LRFN5: variants seen among roughly 807,000 people sequenced by gnomAD.
The protein encoded by LRFN5 is leucine-rich repeat and fibronectin type-III domain-containing protein 5.
A neutral mutation model predicts 45.6 loss-of-function variants in LRFN5; 24 were observed. That is an observed-to-expected ratio of 0.53 (90% CI 0.38 to 0.74). LRFN5 has a LOEUF of 0.74. LRFN5 is among the 30% of genes least tolerant of loss of function. The probability of loss-of-function intolerance (pLI) is 0.00; values close to 1 mark genes in which losing one functional copy is unlikely to be tolerated. For missense variants in LRFN5, 776 were observed against 861.5 expected, an observed-to-expected ratio of 0.90 and a Z score of 1.24; for synonymous variants, 340 against 313.8, an observed-to-expected ratio of 1.08 and a Z score of -0.88.
intron 1 of LRFN5, among the ~76,000 whole-genome samples, chr14:41,750,566 G>T (rs1024232691): frequency 6.6e-6 from 1 of 151,962 alleles, no homozygotes; most frequent in African/African-American, 2.4e-5. Flanking sequence ...ATTAAAATTT[G>T]CTTTCATTGT....
chr14:41,785,067 A>G (rs1054058948), intron 2 of LRFN5, among the ~76,000 whole-genome samples: 1 of 152,154 alleles, frequency 6.6e-6, no homozygotes, highest in Non-Finnish European at 1.5e-5. Flanking sequence ...TAATATGAAA[A>G]TAGCCACTCT....
intron 2 of LRFN5, among the ~76,000 whole-genome samples, chr14:41,825,071 G>A (rs1888247126): frequency 6.6e-6 from 1 of 152,052 alleles, no homozygotes; most frequent in Non-Finnish European, 1.5e-5. Flanking sequence ...AAGTTCTTTT[G>A]TTAGCCCAGA....
chr14:41,751,266 G>A (rs924356771), intron 1 of LRFN5, among the ~76,000 whole-genome samples: 5 of 152,076 alleles, frequency 3.3e-5, no homozygotes, highest in African/African-American at 1.2e-4. Flanking sequence ...ATCAAATTAT[G>A]CTCTTGTTAA....
intron 1 of LRFN5, among the ~76,000 whole-genome samples, chr14:41,701,915 A>G (rs1347963217): frequency 2.0e-5 from 3 of 152,134 alleles, no homozygotes; most frequent in African/African-American, 7.2e-5. Context: ...CTGATTTACT[A>G]TTAGGAATCT....
Position 41,811,361 on chromosome 14 carries a change from T to TAAC in LRFN5, c.-21+44333_-21+44334insACA, listed in dbSNP as rs1320915900. Among the ~76,000 whole-genome samples the TAAC allele has an allele frequency of 2.6e-5, 4 of 152,072 alleles. No individual in the cohort carries two copies. The East Asian group carries it at 7.7e-4, about 29-fold the overall frequency. On this transcript the variant is annotated intron_variant, in intron 2 of 5. Coordinates refer to ENST00000298119, the MANE Select transcript of LRFN5 (RefSeq NM_152447.5). ...TGAAGCTACTTTGGATAACAGTTGG[T>TAAC]AGTTTCCCAAACTCTTAAATATATG...
At chr14:41,702,177 G>A (rs1882866309) in intron 1 of LRFN5, among the ~76,000 whole-genome samples, 1 of 152,144 alleles carries the variant, frequency 6.6e-6, no homozygotes, top group Non-Finnish European at 1.5e-5. Context: ...GACTCCATCT[G>A]TAAGTACAAG....
At chr14:41,900,354 T>G (rs936966023) in intron 5 of LRFN5, among the ~76,000 whole-genome samples, 16 of 152,084 alleles carry the variant, frequency 1.1e-4, no homozygotes, top group Non-Finnish European at 2.9e-5. Flanking sequence ...ATTTTGCTTA[T>G]GTATTTATTT....
At chr14:41,684,109 T>C (rs1392849491) in intron 1 of LRFN5, among the ~76,000 whole-genome samples, 1 of 152,056 alleles carries the variant, frequency 6.6e-6, no homozygotes, top group Non-Finnish European at 1.5e-5. Context: ...TGGAACAGAA[T>C]AGAGAATCCA....
At chr14:41,738,884 A>C (rs1238621454) in intron 1 of LRFN5, among the ~76,000 whole-genome samples, 2 of 152,184 alleles carry the variant, frequency 1.3e-5, no homozygotes, top group African/African-American at 2.4e-5. Context: ...AATTTTCTGA[A>C]CTACTATTTA....
At chr14:41,734,580 T>A (rs72686540) in intron 1 of LRFN5, among the ~76,000 whole-genome samples, 1 of 150,958 alleles carries the variant, frequency 6.6e-6, no homozygotes, top group Non-Finnish European at 1.5e-5. Context: ...TTATAAGCAG[T>A]ATACAATGGA....
At chr14:41,821,934 T>G (rs1422415598) in intron 2 of LRFN5, among the ~76,000 whole-genome samples, 1 of 152,030 alleles carries the variant, frequency 6.6e-6, no homozygotes, top group Non-Finnish European at 1.5e-5. Context: ...CTAGGTTTTC[T>G]TGTTTGTGCA....
chr14:41,712,157 T>C (rs1223318164), intron 1 of LRFN5, among the ~76,000 whole-genome samples: 1 of 152,182 alleles, frequency 6.6e-6, no homozygotes. Flanking sequence ...TGAGATAATC[T>C]AATATATGTC....
intron 1 of LRFN5, among the ~76,000 whole-genome samples, chr14:41,734,507 A>G (rs966508055): frequency 4.0e-5 from 6 of 150,224 alleles, no homozygotes. Context: ...ATTTGCATGG[A>G]ATACCTTTTT....
intron 1 of LRFN5, among the ~76,000 whole-genome samples, chr14:41,631,452 A>G (rs2138579392): frequency 6.6e-6 from 1 of 152,320 alleles, no homozygotes; most frequent in South Asian, 2.1e-4. Context: ...TGAATGAAAA[A>G]GACAAAAATC....
intron 1 of LRFN5, among the ~76,000 whole-genome samples, chr14:41,646,297 A>G (rs966248758): frequency 1.3e-5 from 2 of 152,048 alleles, no homozygotes; most frequent in Non-Finnish European, 2.9e-5. Flanking sequence ...CATCATGTAT[A>G]TTTGTCTTTG....
intron 1 of LRFN5, among the ~76,000 whole-genome samples, chr14:41,711,190 A>G (rs1446799389): frequency 6.6e-6 from 1 of 152,228 alleles, no homozygotes; most frequent in Non-Finnish European, 1.5e-5. Context: ...ATACATATGT[A>G]CACCCACACA....
At chr14:41,759,744 A>T (rs891101986) in intron 1 of LRFN5, among the ~76,000 whole-genome samples, 1 of 152,146 alleles carries the variant, frequency 6.6e-6, no homozygotes, top group South Asian at 2.1e-4. Context: ...TGATAGTTTT[A>T]TATTTTTTCT....
chr14:41,758,148 G>T (rs1424948858), intron 1 of LRFN5, among the ~76,000 whole-genome samples: 1 of 151,884 alleles, frequency 6.6e-6, no homozygotes, highest in East Asian at 1.9e-4. Context: ...CCACTTTTTA[G>T]TTGCAGTGCT....
At chr14:41,884,433 GTGT>G (rs1241227124) in intron 2 of LRFN5, among the ~76,000 whole-genome samples, 1 of 152,036 alleles carries the variant, frequency 6.6e-6, no homozygotes. Context: ...CATCAAATAG[GTGT>G]TGTGCTGGAC....
Sources: gnomAD v4.1 joint callset for allele counts (sites outside exome capture counted in the v4.1 genomes callset) on GRCh38, gnomAD v4.1.1 for gene constraint, MANE v1.5 for transcripts, NCBI Gene and HGNC (gene_info 2026-07-23, HGNC 2026-07-21) for gene names.